CLMP: variants seen among roughly 807,000 people sequenced by gnomAD.
CLMP encodes the protein CXADR like cell adhesion molecule, also known as CXADR-like membrane protein.
In CLMP, 27 loss-of-function variants were observed where a neutral mutation model predicts 45.2. The ratio of observed to expected loss-of-function variants is 0.60; its 90% confidence interval spans 0.44 to 0.82. The LOEUF (loss-of-function observed/expected upper bound fraction) is 0.82. Ranked by LOEUF, CLMP falls within the 40% of genes least tolerant of loss-of-function variation. The pLI is 0.00. For synonymous variants in CLMP, 167 were observed against 171.4 expected, an observed-to-expected ratio of 0.97 and a Z score of 0.20; for missense variants, 403 against 448.4, an observed-to-expected ratio of 0.90 and a Z score of 0.91.
intron 2 of CLMP, among the ~76,000 whole-genome samples, chr11:123,091,139 C>T (rs1347238884): frequency 6.6e-6 from 1 of 152,030 alleles, no homozygotes; most frequent in Non-Finnish European, 1.5e-5. Context: ...GAGTTTCATT[C>T]TGTCACCCAG....
chr11:123,085,682 TCA>T (rs2135470604), intron 2 of CLMP, among the ~76,000 whole-genome samples: 1 of 147,966 alleles, frequency 6.8e-6, no homozygotes, highest in South Asian at 2.2e-4. Context: ...CAGACAGAAC[TCA>T]CAGTTACCCC....
chr11:123,177,084 T>C (rs781032289), intron 1 of CLMP, among the ~76,000 whole-genome samples: 2 of 152,122 alleles, frequency 1.3e-5, no homozygotes, highest in Non-Finnish European at 1.5e-5. Flanking sequence ...TAACAGAAAG[T>C]TCATGAGAGC....
chr11:123,087,573 A>G (rs1031351855), intron 2 of CLMP, among the ~76,000 whole-genome samples: 5 of 152,014 alleles, frequency 3.3e-5, no homozygotes, highest in African/African-American at 9.7e-5. Flanking sequence ...CTGTAATCCC[A>G]GTACTTTGGG....
At chr11:123,091,601 G>C (rs1234983353) in intron 2 of CLMP, among the ~76,000 whole-genome samples, 1 of 152,170 alleles carries the variant, frequency 6.6e-6, no homozygotes, top group Non-Finnish European at 1.5e-5. Context: ...AGAAGCCTAT[G>C]CACGTCTCCT....
At chr11:123,142,621 C>CTTT (rs71057336) in intron 1 of CLMP, among the ~76,000 whole-genome samples, 39,960 of 122,640 alleles carry the variant, frequency 0.33, 7,649 homozygotes, top group African/African-American at 0.46. Flanking sequence ...GATGAGGTTT[C>CTTT]TTTTTTTTTT....
In CLMP at chr11:123,097,969, T is replaced by C; in HGVS notation, c.29-17A>G. On this transcript the variant is annotated splice_polypyrimidine_tract_variant and intron_variant, in intron 1 of 6. Coordinates refer to ENST00000448775, the MANE Select transcript of CLMP (RefSeq NM_024769.5). ...AGTAGGAAACTGGAAGAGGAAAATC[T>C]TTAATGAGTAATGCAGAGACTGGAT... The C allele has an allele frequency of 3.3e-6, 5 of 1,535,486 alleles. No individual in the cohort carries two copies. The highest frequency in any genetic ancestry group is 1.2e-5 in the South Asian group (1 of 80,162).
rs576272435 is a variant in CLMP, at chr11:123,127,624, C to A, written c.29-29672G>T. Among the ~76,000 whole-genome samples, 8 of 152,242 alleles carry A rather than the reference C, an allele frequency of 5.3e-5. No homozygotes were observed. The East Asian group carries it at 1.3e-3, about 26-fold the overall frequency. ...TCCTTTTCATTTTATCAGCATTACT[C>A]CAATCCCAACAACCCAGATAAAGAT... is the stretch of plus-strand genomic sequence containing the variant. On this transcript the variant is annotated intron_variant, in intron 1 of 6. Transcript: ENST00000448775.
rs975648486 is a variant in CLMP, at chr11:123,071,574, A to G, written c.*1900T>C. On this transcript the variant is annotated 3_prime_UTR_variant, in exon 7 of 7. Coordinates refer to ENST00000448775, the MANE Select transcript of CLMP (RefSeq NM_024769.5). ...CCCTGTCTCTATCAGAACTCCAAAA[A>G]TTAGCTGGGTGTGATGGCAGGCACC... 2.6e-5 allele frequency: 4 copies of G among 152,158 alleles called. No individual in the cohort carries two copies. Among genetic ancestry groups the G allele is most frequent in the Admixed American group, 6.6e-5 (1 of 15,254 alleles). 9.4% of individuals were successfully genotyped at this position (152,158 alleles called of 1,614,324 possible).
intron 1 of CLMP, among the ~76,000 whole-genome samples, chr11:123,156,870 C>A (rs900791567): frequency 1.3e-5 from 2 of 152,226 alleles, no homozygotes; most frequent in African/African-American, 4.8e-5. Context: ...ACTGCTTGGA[C>A]ACTTTCTTTC....
chr11:123,081,059 G>A lies in CLMP; in HGVS notation c.679+2026C>T, dbSNP rs540163923. ...TACTCGCTACTCGGGAGGCTGAAGC[G>A]GGAGAATCGCTTGAACCTGGGAGGT... On this transcript the variant is annotated intron_variant, in intron 5 of 6. Coordinates refer to ENST00000448775, the MANE Select transcript of CLMP (RefSeq NM_024769.5). 4.6e-5 allele frequency among the ~76,000 whole-genome samples: 7 copies of A among 152,124 alleles called. No homozygotes were observed. In the South Asian group the frequency reaches 1.0e-3, roughly 23 times the overall value.
chr11:123,144,428 A>G (rs1861208876), intron 1 of CLMP, among the ~76,000 whole-genome samples: 1 of 152,050 alleles, frequency 6.6e-6, no homozygotes, highest in Non-Finnish European at 1.5e-5. Flanking sequence ...CTAGAGTGCA[A>G]TGGTGCAATC....
intron 2 of CLMP, among the ~76,000 whole-genome samples, chr11:123,085,350 G>A (rs1865851653): frequency 6.6e-6 from 1 of 152,050 alleles, no homozygotes; most frequent in Non-Finnish European, 1.5e-5. Flanking sequence ...CTGGGTTCAA[G>A]CAGTTCTCCT....
chr11:123,161,385 G>A (rs1861485641), intron 1 of CLMP, among the ~76,000 whole-genome samples: 1 of 152,082 alleles, frequency 6.6e-6, no homozygotes, highest in South Asian at 2.1e-4. Flanking sequence ...TGCAGAATGG[G>A]TTCGGGTATG....
chr11:123,141,173 C>CTTTTT (rs550888215), intron 1 of CLMP, among the ~76,000 whole-genome samples: 3,483 of 80,816 alleles, frequency 0.043, 489 homozygotes, highest in Non-Finnish European at 0.058. Flanking sequence ...TCAGGCATTC[C>CTTTTT]TTTTTTTTTT....
chr11:123,102,279 G>GTTTTT (rs1174991262), intron 1 of CLMP, among the ~76,000 whole-genome samples: 4 of 120,908 alleles, frequency 3.3e-5, no homozygotes, highest in Non-Finnish European at 6.7e-5. Flanking sequence ...ATCTTTCCAG[G>GTTTTT]TTTTTTTTTT....
At chr11:123,181,424 A>G (rs531155943) in intron 1 of CLMP, among the ~76,000 whole-genome samples, 4 of 152,272 alleles carry the variant, frequency 2.6e-5, no homozygotes, top group African/African-American at 7.2e-5. Context: ...CTTTCGCCTC[A>G]TGGTAGATAT....
chr11:123,147,733 C>T (rs1861259052), intron 1 of CLMP, among the ~76,000 whole-genome samples: 1 of 152,016 alleles, frequency 6.6e-6, no homozygotes, highest in Non-Finnish European at 1.5e-5. Flanking sequence ...GTGCTGGGTA[C>T]AGAGTAGGCA....
intron 1 of CLMP, among the ~76,000 whole-genome samples, chr11:123,121,867 G>A (rs1293547192): frequency 6.6e-6 from 1 of 152,098 alleles, no homozygotes; most frequent in East Asian, 1.9e-4. Flanking sequence ...AGCCACCTGA[G>A]TAGCTGGTAC....
rs1020896312 is a variant in CLMP, at chr11:123,070,174, G to A, written c.*3300C>T. ...ACTCAATGTCCACATCATTCCATCT[G>A]CATCGTCTTCCTACAAACAGTTTTT... On this transcript the variant is annotated 3_prime_UTR_variant, in exon 7 of 7. Coordinates refer to ENST00000448775, the MANE Select transcript of CLMP (RefSeq NM_024769.5). The A allele has an allele frequency of 2.0e-5, 3 of 152,244 alleles. No homozygotes were observed. Among genetic ancestry groups the A allele is most frequent in the Middle Eastern group, 3.4e-3 (1 of 294 alleles). 9.4% of individuals were successfully genotyped at this position (152,244 alleles called of 1,614,324 possible).
Sources: gnomAD v4.1 joint callset for allele counts (sites outside exome capture counted in the v4.1 genomes callset) on GRCh38, gnomAD v4.1.1 for gene constraint, MANE v1.5 for transcripts, NCBI Gene and HGNC (gene_info 2026-07-23, HGNC 2026-07-21) for gene names.